Variants in SPCS1 observed in about 807,000 individuals in gnomAD.
The protein encoded by SPCS1 is signal peptidase complex subunit 1.
Under a neutral mutation model 16.4 loss-of-function variants are expected in SPCS1, and 10 were observed. The observed-to-expected ratio is 0.61, with a 90% CI of 0.38 to 1.03. The LOEUF (loss-of-function observed/expected upper bound fraction) is 1.03, where lower values mean the gene tolerates loss of function less well. SPCS1 is among the 50% of genes least tolerant of loss of function. SPCS1 has a pLI of 0.01. For synonymous variants in SPCS1, 47 were observed against 42.5 expected (o/e 1.10, Z -0.41); for missense variants, 118 against 123.8 (o/e 0.95, Z 0.22).
intron 3 of SPCS1, 90 bp downstream of exon 3, chr3:52,706,969 A>T (rs1214851351): frequency 2.3e-6 from 2 of 888,194 alleles, no homozygotes; most frequent in Non-Finnish European, 3.8e-6. Flanking sequence ...CCCAAAGCCA[A>T]CGTTTCCCTC....
In SPCS1 at chr3:52,707,948, T is replaced by A; in HGVS notation, c.*136T>A. On this transcript the variant is annotated 3_prime_UTR_variant, in exon 4 of 4. Transcript: ENST00000619898. The stretch of plus-strand genomic sequence containing the variant: ...AGATTTAGTTCTCTTTATACTTCAT[T>A]TCTAGCCCAGTTGGGTTTTGATTTA... 8.9e-7 allele frequency: 1 copy of A among 1,120,188 alleles called. No homozygotes were observed. Among genetic ancestry groups the A allele is most frequent in the Non-Finnish European group, 1.3e-6 (1 of 781,508 alleles). The allele number at this position is 1,120,188 out of a possible 1,614,324, so 69.4% of individuals were successfully genotyped here. A position where few individuals can be genotyped will look rare whatever the true frequency, so the allele number is the denominator to read the frequency against.
At position 52,709,796 on chromosome 3, in the gene SPCS1, C is replaced by CTGA. The variant is rs1350117074; in HGVS notation, c.*1988_*1990dup. The CTGA allele has an allele frequency of 2.0e-5, 3 of 147,022 alleles. No homozygotes were observed. Among genetic ancestry groups the CTGA allele is most frequent in the Non-Finnish European group, 4.5e-5 (3 of 66,894 alleles). 9.1% of individuals were successfully genotyped at this position (147,022 alleles called of 1,614,324 possible). Reference sequence around the variant, plus strand: ...AATACATTAGAAAAATTAAGTAAAACTGATGACTCTCCAGAACGATGTGGA... The same window carrying CTGA: ...AATACATTAGAAAAATTAAGTAAAACTGATGATGACTCTCCAGAACGATGTGGA... On this transcript the variant is annotated 3_prime_UTR_variant, in exon 4 of 4. Transcript: ENST00000619898.
At position 52,706,271 on chromosome 3, in the gene SPCS1, C is replaced by T. The variant is rs1176500385; in HGVS notation, c.25C>T (p.Pro9Ser). ...CATGCTGGAGCATCTGAGCTCGCTG[C>T]CCACGCAGATGGTGAGGGCGCAACC... MLEHLSSL[P>S]TQMDYKGQKL... Residue 9 changes from proline (P) to serine (S), a missense_variant, in exon 1 of 4, where the codon CCC becomes TCC. Physicochemically the swap from Pro to Ser is moderately conservative, Grantham distance 74. Transcript: ENST00000619898. 6.3e-7 allele frequency: 1 copy of T among 1,595,508 alleles called. No homozygotes were observed. Among genetic ancestry groups the T allele is most frequent in the Non-Finnish European group, 8.5e-7 (1 of 1,178,386 alleles).
rs1460552666 is a variant in SPCS1 at position 52,710,681 on chromosome 3, G to C, written c.*2869G>C. The C allele has an allele frequency of 6.6e-6, 1 of 152,054 alleles. No individual in the cohort carries two copies. The highest frequency in any genetic ancestry group is 2.4e-5 in the African/African-American group (1 of 41,410). 9.4% of individuals were successfully genotyped at this position (152,054 alleles called of 1,614,324 possible). On this transcript the variant is annotated 3_prime_UTR_variant, in exon 4 of 4. Coordinates refer to ENST00000619898, the MANE Select transcript of SPCS1 (RefSeq NM_014041.5). Reference sequence around the variant, plus strand: ...GGAGGCTCAGGCAGGAATACCACTTGAGCCCCAGAAGTGGAGGTTGCAGTG... The same window carrying C: ...GGAGGCTCAGGCAGGAATACCACTTCAGCCCCAGAAGTGGAGGTTGCAGTG...
intron 3 of SPCS1, chr3:52,707,088 C>T: frequency 7.1e-6 from 4 of 565,204 alleles, no homozygotes; most frequent in Non-Finnish European, 1.3e-5. Flanking sequence ...CCTTTGGCGG[C>T]TACTCTGGCT....
At chr3:52,706,344 T>A (rs2097344713) in intron 1 of SPCS1, 62 bp downstream of exon 1, 3 of 1,535,218 alleles carry the variant, frequency 2.0e-6, no homozygotes, top group Admixed American at 3.6e-5. Flanking sequence ...TCGAAGCCCA[T>A]GTTGGAGCAC....
At chr3:52,707,249 A>AG in intron 3 of SPCS1, 1 of 209,328 alleles carries the variant, frequency 4.8e-6, no homozygotes, top group Non-Finnish European at 9.7e-6. Flanking sequence ...GGCTCACTGC[A>AG]CCTTCTGCCT....
In SPCS1 at chr3:52,706,840, T is replaced by C. The variant is rs144743254; in HGVS notation, c.144T>C (p.Thr48=). ...YGYVAEQFGW[T]VYIVMAGFAF... is the part of the protein sequence containing the mutation. Reference sequence around the variant, plus strand: ...ACGTGGCTGAACAGTTCGGGTGGACTGTCTATATAGTTATGGCCGGATTTG... The same window carrying C: ...ACGTGGCTGAACAGTTCGGGTGGACCGTCTATATAGTTATGGCCGGATTTG... Residue 48 remains threonine (T), a synonymous_variant, in exon 3 of 4, where the codon ACT becomes ACC. Transcript: ENST00000619898. 1.9e-6 allele frequency: 3 copies of C among 1,614,082 alleles called. No homozygotes were observed. Among genetic ancestry groups the C allele is most frequent in the Non-Finnish European group, 8.5e-7 (1 of 1,180,024 alleles).
rs2097348166 is a variant in SPCS1, at chr3:52,709,446, C to A, written c.*1634C>A. On this transcript the variant is annotated 3_prime_UTR_variant, in exon 4 of 4. Coordinates refer to ENST00000619898, the MANE Select transcript of SPCS1 (RefSeq NM_014041.5). ...GGGAAGTCAGGTGTGGTGGTTCATG[C>A]CTATAATCCCAGCACTTTCAGAGGC... The A allele has an allele frequency of 6.6e-6, 1 of 151,670 alleles. No homozygotes were observed. The highest frequency in any genetic ancestry group is 6.6e-5 in the Admixed American group (1 of 15,218). 9.4% of individuals were successfully genotyped at this position (151,670 alleles called of 1,614,324 possible). A position where few individuals can be genotyped will look rare whatever the true frequency, so the allele number is the denominator to read the frequency against.
chr3:52,706,440 C>T (rs2097344802), intron 1 of SPCS1, 158 bp downstream of exon 1: 6 of 871,596 alleles, frequency 6.9e-6, no homozygotes, highest in Non-Finnish European at 1.0e-5. Flanking sequence ...TTCTCTTCTA[C>T]TCCGCGAGAA....
chr3:52,707,272 A>G (rs528564319), intron 3 of SPCS1: 5 of 204,512 alleles, frequency 2.4e-5, no homozygotes, highest in Non-Finnish European at 5.0e-5. Context: ...CGGGTTTAAT[A>G]GATTTTCCTG....
At position 52,708,601 on chromosome 3, in the gene SPCS1, A is replaced by T. The variant is rs1373867507; in HGVS notation, c.*789A>T. On this transcript the variant is annotated 3_prime_UTR_variant, in exon 4 of 4. Coordinates refer to ENST00000619898, the MANE Select transcript of SPCS1 (RefSeq NM_014041.5). Reference sequence around the variant, plus strand: ...ATGTGACTAGTGGCTACCATATAAAACATTTCCATCACAAAGTTCCATTTA... The same window carrying T: ...ATGTGACTAGTGGCTACCATATAAATCATTTCCATCACAAAGTTCCATTTA... The T allele has an allele frequency of 6.6e-6, 1 of 152,254 alleles. No individual in the cohort carries two copies. Among genetic ancestry groups the T allele is most frequent in the Non-Finnish European group, 1.5e-5 (1 of 68,048 alleles). The allele number at this position is 152,254 out of a possible 1,614,324, so 9.4% of individuals were successfully genotyped here. A position where few individuals can be genotyped will look rare whatever the true frequency, so the allele number is the denominator to read the frequency against.
At chr3:52,706,980 A>G in intron 3 of SPCS1, 101 bp downstream of exon 3, 1 of 837,166 alleles carries the variant, frequency 1.2e-6, no homozygotes, top group Non-Finnish European at 2.1e-6. Context: ...CGTTTCCCTC[A>G]TCCTTCCAAA....
rs1433165479 is a variant in SPCS1 at position 52,706,512 on chromosome 3, C to G, written c.37-132C>G. The G allele has an allele frequency of 9.9e-6, 9 of 911,042 alleles. No individual in the cohort carries two copies. The Admixed American group carries it at 2.1e-4, about 21-fold the overall frequency. The allele number at this position is 911,042 out of a possible 1,614,324, so 56.4% of individuals were successfully genotyped here. ...TCCCGGGAAGCCCAGAATTTAATAT[C>G]TTGCCCAGGCCCTTAGGAGAGCGGG... On this transcript the variant is annotated intron_variant, in intron 1 of 3. Coordinates refer to ENST00000619898, the MANE Select transcript of SPCS1 (RefSeq NM_014041.5).
chr3:52,707,886 T>C lies in SPCS1; in HGVS notation c.*74T>C. The C allele has an allele frequency of 6.5e-7, 1 of 1,544,032 alleles. No individual in the cohort carries two copies. Among genetic ancestry groups the C allele is most frequent in the Non-Finnish European group, 8.9e-7 (1 of 1,120,426 alleles). On this transcript the variant is annotated 3_prime_UTR_variant, in exon 4 of 4. Coordinates refer to ENST00000619898, the MANE Select transcript of SPCS1 (RefSeq NM_014041.5). ...TTGCTTTCATACCCCAGATAAGAGC[T>C]AAAACCACCTAATGCTCTTATGGCA...
At chr3:52,707,473 T>G in intron 3 of SPCS1, 1 of 474,136 alleles carries the variant, frequency 2.1e-6, no homozygotes, top group Non-Finnish European at 3.8e-6. Flanking sequence ...TTCTTTTAGG[T>G]CTTAAAGCCA....
chr3:52,707,114 A>C, intron 3 of SPCS1: 1 of 511,200 alleles, frequency 2.0e-6, no homozygotes, highest in Non-Finnish European at 3.5e-6. Context: ...TCTTAAGGTC[A>C]AAGCCAGCAG....
Position 52,706,752 on chromosome 3 carries a change from C to T in SPCS1, c.97-41C>T, listed in dbSNP as rs142675355. 6,700 of 1,604,938 alleles carry T rather than the reference C, an allele frequency of 4.2e-3. 11 individuals carry two copies. Among genetic ancestry groups the T allele is most frequent in the Middle Eastern group, 5.3e-3 (32 of 6,054 alleles). Reference sequence around the variant, plus strand: ...TCTCCGCCCCCGCCTCCCTCCCAACCCTCAGTTTGAGTGTGTTTAATATAC... The same window carrying T: ...TCTCCGCCCCCGCCTCCCTCCCAACTCTCAGTTTGAGTGTGTTTAATATAC... On this transcript the variant is annotated intron_variant, in intron 2 of 3. Coordinates refer to ENST00000619898, the MANE Select transcript of SPCS1 (RefSeq NM_014041.5).
chr3:52,706,327 G>C (rs1212172253), intron 1 of SPCS1, 45 bp downstream of exon 1: 1 of 1,571,588 alleles, frequency 6.4e-7, no homozygotes, highest in Non-Finnish European at 8.6e-7. Flanking sequence ...TCTTGTGCCT[G>C]GCAGCTTCGA....
Sources: allele counts gnomAD v4.1 joint callset, GRCh38; gene constraint gnomAD v4.1.1; transcripts MANE v1.5; gene names NCBI Gene and HGNC (gene_info 2026-07-23, HGNC 2026-07-21).